PLAUR: variants seen among roughly 807,000 people sequenced by gnomAD.
PLAUR encodes plasminogen activator, urokinase receptor, also known as urokinase plasminogen activator surface receptor.
A neutral mutation model predicts 33.4 loss-of-function variants in PLAUR; 22 were observed. That is an observed-to-expected ratio of 0.66 (90% CI 0.47 to 0.94). PLAUR has a LOEUF of 0.94. Ranked by LOEUF, PLAUR falls within the 40% of genes least tolerant of loss-of-function variation. The pLI is 0.00. For synonymous variants in PLAUR, 148 were observed against 167.3 expected, an observed-to-expected ratio of 0.88 and a Z score of 0.89; for missense variants, 408 against 434.7, an observed-to-expected ratio of 0.94 and a Z score of 0.55.
Position 43,652,232 on chromosome 19 carries a change from GC to G in PLAUR, c.746del (p.Gly249AlafsTer12), listed in dbSNP as rs1393055559. ...GPMNQCLVAT[G>X]THEPKNQSYM... ...CCTCGGAGAGGGCCTCACCGTGAGTGCCGGTGGCTACCAGACATTGATTCAT... is the reference window on the plus strand; with the variant it reads ...CCTCGGAGAGGGCCTCACCGTGAGTGCGGTGGCTACCAGACATTGATTCAT... On this transcript the variant is annotated frameshift_variant, in exon 6 of 7. Transcript: ENST00000340093. LOFTEE classifies it low-confidence loss of function (END_TRUNC). 1 of 1,613,954 alleles carries G rather than the reference GC, an allele frequency of 6.2e-7. No homozygotes were observed. Among genetic ancestry groups the G allele is most frequent in the Non-Finnish European group, 8.5e-7 (1 of 1,179,986 alleles).
intron 3 of PLAUR, among the ~76,000 whole-genome samples, chr19:43,659,167 C>CTTTTTCT (rs1555780396): frequency 3.1e-5 from 3 of 97,138 alleles, no homozygotes; most frequent in Non-Finnish European, 5.7e-5. Flanking sequence ...CTTTTCTTTT[C>CTTTTTCT]TTTTTTTTTT....
rs4251878 is a variant in PLAUR, at chr19:43,656,637, C to T, written c.314G>A (p.Arg105Gln). The change falls in exon 4 of 7, where the codon CGG becomes CAG. Residue 105 changes from arginine (R) to glutamine (Q), a missense_variant. Physicochemically the swap from Arg to Gln is conservative, Grantham distance 43. Coordinates refer to ENST00000340093, the MANE Select transcript of PLAUR (RefSeq NM_002659.4). ...LDLCNQGNSG[R>Q]AVTYSRSRYL... ...ACGGCTTCGGGAATAGGTGACAGCC[C>T]GGCCTGTTTGGAAGAGGGGGAGGGG... 260 of 1,594,452 alleles carry T rather than the reference C, an allele frequency of 1.6e-4. 1 individual carries two copies. In the African/African-American group the frequency reaches 3.0e-3, roughly 19 times the overall value.
intron 5 of PLAUR, among the ~76,000 whole-genome samples, chr19:43,655,100 A>AC (rs3837981): frequency 0.1 from 15,577 of 151,470 alleles, 1,068 homozygotes; most frequent in Admixed American, 0.18. Flanking sequence ...ACATGGTGAA[A>AC]CCCCCATCTC....
At chr19:43,646,788 CTTT>C (rs71169269), downstream of PLAUR, among the ~76,000 whole-genome samples, 8,451 of 104,902 alleles carry the variant, frequency 0.081, 319 homozygotes, top group Admixed American at 0.16. Flanking sequence ...TGGAAGATGT[CTTT>C]TTTTTTTTTT....
intron 6 of PLAUR, among the ~76,000 whole-genome samples, chr19:43,649,863 A>C (rs2146194100): frequency 6.6e-6 from 1 of 152,236 alleles, no homozygotes; most frequent in Non-Finnish European, 1.5e-5. Context: ...ATAAGTGTAC[A>C]ATGGGCTTTT....
intron 6 of PLAUR, among the ~76,000 whole-genome samples, chr19:43,650,300 C>T (rs183992796): frequency 0.013 from 2,001 of 150,518 alleles, 21 homozygotes; most frequent in Non-Finnish European, 0.021. Context: ...TGAGCCACCG[C>T]GCCTGGCTGG....
intron 6 of PLAUR, 139 bp from the exon 7 acceptor site, chr19:43,649,282 T>C (rs981431867): frequency 1.1e-6 from 1 of 933,816 alleles, no homozygotes; most frequent in Non-Finnish European, 1.6e-6. Flanking sequence ...GGGCCAGGTG[T>C]GGTGGCTCAT....
chr19:43,659,556 C>G lies in PLAUR; in HGVS notation c.311-2916G>C, dbSNP rs138203588. The stretch of plus-strand genomic sequence containing the variant: ...ATCTATCTGCTCATCACTCACAAAT[C>G]TCTCTCTAGTCTAGACTTCTCTCTG... On this transcript the variant is annotated intron_variant, in intron 3 of 6. Coordinates refer to ENST00000340093, the MANE Select transcript of PLAUR (RefSeq NM_002659.4). Among the ~76,000 whole-genome samples the G allele has an allele frequency of 1.8e-3, 268 of 152,264 alleles. 2 individuals are homozygous for G. Among genetic ancestry groups the G allele is most frequent in the African/African-American group, 6.3e-3 (261 of 41,562 alleles).
chr19:43,659,263 C>A (rs1461015487), intron 3 of PLAUR, among the ~76,000 whole-genome samples: 2 of 142,936 alleles, frequency 1.4e-5, no homozygotes, highest in Non-Finnish European at 3.0e-5. Flanking sequence ...AGGTGATTCT[C>A]CCATCTCAGC....
chr19:43,655,339 C>A (rs1974161987), intron 5 of PLAUR, 100 bp downstream of exon 5: 1 of 1,168,758 alleles, frequency 8.6e-7, no homozygotes, highest in African/African-American at 1.6e-5. Flanking sequence ...AAACAGAGGC[C>A]CAGAGAGGAC....
chr19:43,655,388 G>GTGCCTGAT (rs1974164571), intron 5 of PLAUR, 51 bp downstream of exon 5: 1 of 1,593,344 alleles, frequency 6.3e-7, no homozygotes, highest in Admixed American at 1.7e-5. Flanking sequence ...GTCTGCCTGA[G>GTGCCTGAT]TGCATGCCCC....
Position 43,670,152 on chromosome 19 carries a change from C to T in PLAUR, c.-32G>A. 1.2e-6 allele frequency: 2 copies of T among 1,604,294 alleles called. No individual in the cohort carries two copies. The highest frequency in any genetic ancestry group is 1.7e-6 in the Non-Finnish European group (2 of 1,175,838). ...AGGGCAGCTCCTGTGCGCGGGGTCCCTGCACGTCTTCTCTCCTTCTGGCCT... is the reference window on the plus strand; with the variant it reads ...AGGGCAGCTCCTGTGCGCGGGGTCCTTGCACGTCTTCTCTCCTTCTGGCCT... On this transcript the variant is annotated 5_prime_UTR_variant, in exon 1 of 7. Transcript: ENST00000340093.
chr19:43,666,326 C>G (rs1967247471), intron 2 of PLAUR, among the ~76,000 whole-genome samples: 2 of 152,082 alleles, frequency 1.3e-5, no homozygotes. Context: ...TGAGATGTGT[C>G]CACATTGGTA....
At chr19:43,667,163 G>C (rs1967290605) in intron 2 of PLAUR, 1 of 191,062 alleles carries the variant, frequency 5.2e-6, no homozygotes, top group Admixed American at 5.8e-5. Context: ...GGAAATACAG[G>C]TGTGAGCCAG....
At chr19:43,655,705 AAC>A in intron 4 of PLAUR, 132 bp from the exon 5 acceptor site, 1 of 789,308 alleles carries the variant, frequency 1.3e-6, no homozygotes, top group East Asian at 2.7e-5. Context: ...TTTTATCTAG[AAC>A]AGTCATAGAT....
chr19:43,665,550 G>T, intron 2 of PLAUR, 91 bp from the exon 3 acceptor site: 1 of 1,304,272 alleles, frequency 7.7e-7, no homozygotes, highest in Non-Finnish European at 1.1e-6. Context: ...CACTCCCAGG[G>T]CTGATCTCTG....
intron 4 of PLAUR, 101 bp downstream of exon 4, chr19:43,656,378 G>T: frequency 1.8e-6 from 2 of 1,091,304 alleles, no homozygotes; most frequent in East Asian, 2.6e-5. Context: ...AGAGAACTTA[G>T]TCCCTTGCTG....
In PLAUR at chr19:43,650,373, C is replaced by T. The variant is rs1022084559; in HGVS notation, c.755-1230G>A. 4.0e-5 allele frequency among the ~76,000 whole-genome samples: 6 copies of T among 150,240 alleles called. No homozygotes were observed. The East Asian group carries it at 1.2e-3, about 30-fold the overall frequency. ...CAGGGTCTCGCTCTGTTGCCCAGGC[C>T]GCAGTGCAGTGGTGCAATCTCCGTT... On this transcript the variant is annotated intron_variant, in intron 6 of 6. Transcript: ENST00000340093.
intron 3 of PLAUR, 60 bp from the exon 4 acceptor site, chr19:43,656,700 C>T: frequency 7.2e-7 from 1 of 1,384,810 alleles, no homozygotes. Context: ...AGCCCCAGCT[C>T]TGCAAGGACT....
Sources: gnomAD v4.1 joint callset for allele counts (sites outside exome capture counted in the v4.1 genomes callset) on GRCh38, gnomAD v4.1.1 for gene constraint, MANE v1.5 for transcripts, NCBI Gene and HGNC (gene_info 2026-07-23, HGNC 2026-07-21) for gene names.